VMP1: variants seen among roughly 807,000 people sequenced by gnomAD.
The protein encoded by VMP1 is ectopic P-granules autophagy protein 3 homolog.
In VMP1, 11 loss-of-function variants were observed where a neutral mutation model predicts 56.0. The ratio of observed to expected loss-of-function variants is 0.20; its 90% CI spans 0.12 to 0.32. The LOEUF (loss-of-function observed/expected upper bound fraction) is 0.32, where lower values mean the gene tolerates loss of function less well. Among genes scored for constraint, VMP1 ranks in the 10% least tolerant of loss-of-function variants. The probability of loss-of-function intolerance (pLI) is 1.00; values close to 1 mark genes in which losing one functional copy is unlikely to be tolerated. For missense variants in VMP1, 296 were observed against 490.3 expected, an observed-to-expected ratio of 0.60 and a Z score of 3.74; for synonymous variants, 149 against 165.0, an observed-to-expected ratio of 0.90 and a Z score of 0.74.
At chr17:59,768,481 T>A (rs1313628884) in intron 6 of VMP1, among the ~76,000 whole-genome samples, 1 of 151,952 alleles carries the variant, frequency 6.6e-6, no homozygotes, top group Non-Finnish European at 1.5e-5. Context: ...TGGGTGCCTG[T>A]AGTCACTGCT....
intron 5 of VMP1, among the ~76,000 whole-genome samples, chr17:59,743,544 TA>T (rs1427491687): frequency 2.6e-5 from 4 of 151,146 alleles, no homozygotes; most frequent in Non-Finnish European, 5.9e-5. Context: ...GTTTGGCAAT[TA>T]TTTTTAAAAA....
chr17:59,800,227 G>T (rs977454089), intron 7 of VMP1, among the ~76,000 whole-genome samples: 1 of 152,150 alleles, frequency 6.6e-6, no homozygotes, highest in Non-Finnish European at 1.5e-5. Flanking sequence ...AAAGATAATA[G>T]TTAATTGTAT....
intron 5 of VMP1, among the ~76,000 whole-genome samples, chr17:59,747,406 TTTCTTTC>T (rs1412099601): frequency 7.2e-6 from 1 of 138,970 alleles, no homozygotes; most frequent in East Asian, 2.4e-4. Flanking sequence ...TCTTTCTTTC[TTTCTTTC>T]TTTTTTTTTT....
chr17:59,757,635 G>C (rs1160102567), intron 5 of VMP1, among the ~76,000 whole-genome samples: 1 of 151,820 alleles, frequency 6.6e-6, no homozygotes, highest in Non-Finnish European at 1.5e-5. Context: ...CTCCTGCCTG[G>C]CCAAGCACTA....
At chr17:59,805,484 G>A (rs985172514) in intron 7 of VMP1, among the ~76,000 whole-genome samples, 3 of 151,670 alleles carry the variant, frequency 2.0e-5, no homozygotes, top group Non-Finnish European at 2.9e-5. Flanking sequence ...TAAACCAGTT[G>A]GTATAATTAT....
chr17:59,810,472 T>C (rs1163073951), intron 8 of VMP1, among the ~76,000 whole-genome samples: 1 of 152,172 alleles, frequency 6.6e-6, no homozygotes, highest in Non-Finnish European at 1.5e-5. Context: ...TTAAATACTT[T>C]AAATTCATTT....
intron 5 of VMP1, among the ~76,000 whole-genome samples, chr17:59,761,291 G>A (rs555464872): frequency 6.6e-6 from 1 of 152,126 alleles, no homozygotes; most frequent in South Asian, 2.1e-4. Context: ...ATCTGGGTCT[G>A]TTTCTATTGA....
intron 10 of VMP1, among the ~76,000 whole-genome samples, chr17:59,821,430 T>C (rs898103310): frequency 1.3e-5 from 2 of 152,292 alleles, no homozygotes; most frequent in East Asian, 3.9e-4. Context: ...TTGAATTAAA[T>C]GAGTTGTGTC....
At chr17:59,802,360 C>T (rs1416254781) in intron 7 of VMP1, among the ~76,000 whole-genome samples, 1 of 150,992 alleles carries the variant, frequency 6.6e-6, no homozygotes, top group African/African-American at 2.4e-5. Context: ...GTGTAGTAGG[C>T]TATATAACAT....
rs914666561 is a variant in VMP1, at chr17:59,793,741, C to T, written c.715-15055C>T. Among the ~76,000 whole-genome samples the T allele has an allele frequency of 3.4e-4, 39 of 115,646 alleles. 4 individuals carry two copies. Among genetic ancestry groups the T allele is most frequent in the African/African-American group, 9.6e-4 (37 of 38,640 alleles). 75.9% of individuals were successfully genotyped at this position (115,646 alleles called of 152,430 possible). Reference sequence around the variant, plus strand: ...TCCCGAGTTCAAGCAATTCTCCTGCCTCAGCCTCCTGAGTAGCTGAAATTA... The same window carrying T: ...TCCCGAGTTCAAGCAATTCTCCTGCTTCAGCCTCCTGAGTAGCTGAAATTA... On this transcript the variant is annotated intron_variant, in intron 7 of 11. Coordinates refer to ENST00000262291, the MANE Select transcript of VMP1 (RefSeq NM_030938.5).
chr17:59,768,497 G>C (rs1303220720), intron 6 of VMP1, among the ~76,000 whole-genome samples: 1 of 152,020 alleles, frequency 6.6e-6, no homozygotes, highest in Non-Finnish European at 1.5e-5. Context: ...CTGCTACTCG[G>C]GATGCTGAGG....
intron 5 of VMP1, among the ~76,000 whole-genome samples, chr17:59,749,147 C>T (rs951806357): frequency 4.0e-5 from 6 of 148,568 alleles, no homozygotes; most frequent in South Asian, 2.1e-4. Context: ...TTATTAGAGA[C>T]GGGGTTTCAC....
chr17:59,822,424 G>A (rs999422057), intron 10 of VMP1, among the ~76,000 whole-genome samples: 1 of 150,806 alleles, frequency 6.6e-6, no homozygotes, highest in Non-Finnish European at 1.5e-5. Context: ...CGCCTCCCGG[G>A]TTCAAGCAAT....
intron 7 of VMP1, among the ~76,000 whole-genome samples, chr17:59,799,931 G>C (rs1471204945): frequency 7.8e-6 from 1 of 128,890 alleles, no homozygotes; most frequent in African/African-American, 3.0e-5. Context: ...GGGGATAAGA[G>C]TGAGACTTCC....
chr17:59,835,374 A>G (rs1287915787), intron 10 of VMP1, among the ~76,000 whole-genome samples: 1 of 151,680 alleles, frequency 6.6e-6, no homozygotes, highest in Non-Finnish European at 1.5e-5. Context: ...TGATCTGCCC[A>G]CCTCAGCCTC....
At position 59,798,041 on chromosome 17, in the gene VMP1, C is replaced by T. The variant is rs140299538; in HGVS notation, c.715-10755C>T. ...CTGGAGTTCCGGTAATGTTCTGTAT[C>T]TGGATCTCAGTAGTGGTTACATGGG... On this transcript the variant is annotated intron_variant, in intron 7 of 11. Coordinates refer to ENST00000262291, the MANE Select transcript of VMP1 (RefSeq NM_030938.5). Among the ~76,000 whole-genome samples the T allele has an allele frequency of 2.2e-3, 342 of 152,260 alleles. 6 individuals carry two copies. The highest frequency in any genetic ancestry group is 2.1e-4 in the Non-Finnish European group (14 of 68,028).
At chr17:59,812,535 T>C (rs1277023749) in intron 9 of VMP1, among the ~76,000 whole-genome samples, 2 of 152,236 alleles carry the variant, frequency 1.3e-5, no homozygotes, top group Non-Finnish European at 2.9e-5. Flanking sequence ...TATGAATTAC[T>C]TCCTTCTAAG....
chr17:59,791,935 ACT>A (rs1246686910), intron 7 of VMP1, among the ~76,000 whole-genome samples: 1 of 151,922 alleles, frequency 6.6e-6, no homozygotes, highest in Non-Finnish European at 1.5e-5. Context: ...TGGAACTTAA[ACT>A]CTGCATTTCT....
intron 6 of VMP1, among the ~76,000 whole-genome samples, chr17:59,765,680 A>C (rs2036206687): frequency 6.6e-6 from 1 of 152,068 alleles, no homozygotes; most frequent in Admixed American, 6.6e-5. Context: ...CATGTTGAAG[A>C]GGCTGAGGCT....
Sources: allele counts gnomAD v4.1 joint callset (sites outside exome capture counted in the v4.1 genomes callset), GRCh38; gene constraint gnomAD v4.1.1; transcripts MANE v1.5; gene names NCBI Gene and HGNC (gene_info 2026-07-23, HGNC 2026-07-21).